Variants in ERI1 observed in about 807,000 individuals in gnomAD.
The protein encoded by ERI1 is 3'-5' exoribonuclease 1.
ERI1 carries 39 observed loss-of-function variants against 39.7 expected under a neutral mutation model. That is an observed-to-expected ratio of 0.98 (90% CI 0.76 to 1.28). The LOEUF (loss-of-function observed/expected upper bound fraction) is 1.28. Ranked by LOEUF, ERI1 falls within the 50% of genes most tolerant of loss-of-function variation. The pLI is 0.00. For synonymous variants in ERI1, 204 were observed against 149.6 expected (o/e 1.36, Z -2.65); for missense variants, 581 against 416.9 (o/e 1.39, Z -3.43).
At chr8:9,092,819 A>G (rs1563101161) in intron 3 of ERI1, among the ~76,000 whole-genome samples, 1 of 152,252 alleles carries the variant, frequency 6.6e-6, no homozygotes, top group Non-Finnish European at 1.5e-5. Context: ...CTTAGGTCCC[A>G]GAATTGTATT....
At chr8:9,018,833 T>C (rs980975954) in intron 5 of ERI1, among the ~76,000 whole-genome samples, 2 of 152,222 alleles carry the variant, frequency 1.3e-5, no homozygotes, top group East Asian at 3.8e-4. Context: ...TAGTTACTTA[T>C]GCCTCCCTCT....
chr8:9,058,915 C>A lies in ERI1; in HGVS notation n.299+38451C>A, dbSNP rs573086171. ...TAACCGTCTCATACAAACCAACTTT[C>A]ATGCGCGTCCGTGTGAAGAGACCAC... On this transcript the variant is annotated intron_variant and non_coding_transcript_variant, in intron 3 of 3. Transcript: ENST00000518663. 1.6e-3 allele frequency among the ~76,000 whole-genome samples: 247 copies of A among 152,234 alleles called. 1 individual carries two copies. Among genetic ancestry groups the A allele is most frequent in the African/African-American group, 5.8e-3 (240 of 41,532 alleles).
downstream of ERI1, among the ~76,000 whole-genome samples, chr8:9,035,573 C>G (rs1302066191): frequency 1.3e-5 from 2 of 152,102 alleles, no homozygotes; most frequent in Non-Finnish European, 2.9e-5. Flanking sequence ...AAAAAAAAAT[C>G]TGTTCAAAAT....
intron 3 of ERI1, among the ~76,000 whole-genome samples, chr8:9,071,662 C>T (rs1232363144): frequency 6.6e-6 from 1 of 152,260 alleles, no homozygotes; most frequent in African/African-American, 2.4e-5. Flanking sequence ...CCCTGTGGCT[C>T]ACTCTATATG....
chr8:9,034,779 G>A (rs1362740932), downstream of ERI1, among the ~76,000 whole-genome samples: 1 of 152,008 alleles, frequency 6.6e-6, no homozygotes, highest in Non-Finnish European at 1.5e-5. Context: ...TCTTAAAGAG[G>A]AAGGCATGTC....
intron 3 of ERI1, 37 bp from the exon 4 acceptor site, chr8:9,016,285 A>T: frequency 7.3e-7 from 1 of 1,364,794 alleles, no homozygotes; most frequent in Non-Finnish European, 1.0e-6. Flanking sequence ...ATCTTAACTC[A>T]TATAAATTAC....
intron 3 of ERI1, among the ~76,000 whole-genome samples, chr8:9,098,834 T>G (rs1563104916): frequency 6.6e-6 from 1 of 152,162 alleles, no homozygotes; most frequent in African/African-American, 2.4e-5. Context: ...TTGGTAAGTT[T>G]TTTGTTTGTT....
At chr8:9,020,048 A>G (rs894113406) in intron 5 of ERI1, among the ~76,000 whole-genome samples, 1 of 152,208 alleles carries the variant, frequency 6.6e-6, no homozygotes, top group Non-Finnish European at 1.5e-5. Context: ...GTCTGGCAGT[A>G]AAAGTAAGCT....
At chr8:9,085,601 A>G (rs1799499039) in intron 3 of ERI1, among the ~76,000 whole-genome samples, 2 of 151,588 alleles carry the variant, frequency 1.3e-5, no homozygotes, top group South Asian at 4.2e-4. Flanking sequence ...CTAAACTTGT[A>G]GAGTGTCGTG....
At position 9,020,446 on chromosome 8, in the gene ERI1, A is replaced by G. The variant is rs1347761518; in HGVS notation, c.789A>G (p.Ser263=). ...AAAAGTGGATCAATATTCGGAAGTC[A>G]TATGGAAATTTTTACAAGGTAAAAT... ...FAKKWINIRK[S]YGNFYKVPRS... is the part of the protein sequence containing the mutation. The change falls in exon 6 of 7, where the codon TCA becomes TCG. Residue 263 remains serine (S), a synonymous_variant. Transcript: ENST00000250263. The G allele has an allele frequency of 1.9e-6, 3 of 1,598,456 alleles. No individual in the cohort carries two copies. The highest frequency in any genetic ancestry group is 2.3e-5 in the South Asian group (2 of 87,354).
At chr8:9,006,072 T>G (rs1378523346) in intron 1 of ERI1, among the ~76,000 whole-genome samples, 5 of 152,256 alleles carry the variant, frequency 3.3e-5, no homozygotes, top group African/African-American at 4.8e-5. Flanking sequence ...CGGATGCTGA[T>G]GCAAATGTAA....
Position 9,072,779 on chromosome 8 carries a change from C to G in ERI1, n.300-43569C>G, listed in dbSNP as rs374365147. Among the ~76,000 whole-genome samples, 3 of 152,178 alleles carry G rather than the reference C, an allele frequency of 2.0e-5. No homozygotes were observed. The South Asian group carries it at 6.2e-4, about 31-fold the overall frequency. On this transcript the variant is annotated intron_variant and non_coding_transcript_variant, in intron 3 of 3. Transcript: ENST00000518663. ...TAAGGAACAGAGTGACCCCCCACCC[C>G]ACTCCCGACAGAAGCAGCCCCAGAG... is the stretch of plus-strand genomic sequence containing the variant.
At chr8:9,013,711 C>G (rs1164510356) in intron 3 of ERI1, among the ~76,000 whole-genome samples, 2 of 152,112 alleles carry the variant, frequency 1.3e-5, no homozygotes, top group East Asian at 1.9e-4. Flanking sequence ...TTACCCCAGC[C>G]CATTCTATCT....
intron 3 of ERI1, among the ~76,000 whole-genome samples, chr8:9,094,860 A>G (rs1050932446): frequency 6.6e-6 from 1 of 152,100 alleles, no homozygotes; most frequent in Non-Finnish European, 1.5e-5. Flanking sequence ...CCTATTTTTT[A>G]AAAAAACGTA....
chr8:9,034,955 G>A (rs1484275522), downstream of ERI1, among the ~76,000 whole-genome samples: 1 of 152,224 alleles, frequency 6.6e-6, no homozygotes, highest in East Asian at 1.9e-4. Flanking sequence ...TTTTAGTGGT[G>A]TGGATAAAAA....
At chr8:9,055,973 G>C (rs2117384328) in intron 3 of ERI1, among the ~76,000 whole-genome samples, 1 of 152,322 alleles carries the variant, frequency 6.6e-6, no homozygotes, top group South Asian at 2.1e-4. Flanking sequence ...CAGAAAGGCA[G>C]GGGAAGGTCA....
At chr8:9,094,386 C>T (rs1048481988) in intron 3 of ERI1, among the ~76,000 whole-genome samples, 5 of 152,192 alleles carry the variant, frequency 3.3e-5, no homozygotes, top group African/African-American at 9.7e-5. Flanking sequence ...ATATTTGCCT[C>T]GCAATCCCTC....
intron 3 of ERI1, among the ~76,000 whole-genome samples, chr8:9,086,052 A>G (rs1009512635): frequency 2.6e-5 from 4 of 152,074 alleles, no homozygotes; most frequent in Non-Finnish European, 5.9e-5. Context: ...TTAGGAAATA[A>G]CTCCCGTCCT....
chr8:9,037,318 G>C (rs573914563), downstream of ERI1, among the ~76,000 whole-genome samples: 5 of 152,298 alleles, frequency 3.3e-5, 1 homozygote, highest in South Asian at 1.0e-3. Context: ...TCCCCAGGAA[G>C]TTAGCCCATC....
Sources: allele counts gnomAD v4.1 joint callset (sites outside exome capture counted in the v4.1 genomes callset), GRCh38; gene constraint gnomAD v4.1.1; transcripts MANE v1.5; gene names NCBI Gene and HGNC (gene_info 2026-07-23, HGNC 2026-07-21).